The following SLC35D1 variants were observed in gnomAD, a reference collection of about 807,000 sequenced individuals.
The protein encoded by SLC35D1 is nucleotide sugar transporter SLC35D1.
A neutral mutation model predicts 46.7 loss-of-function variants in SLC35D1; 31 were observed. That is an observed-to-expected ratio of 0.66 (90% CI 0.50 to 0.90). SLC35D1 has a LOEUF of 0.90. SLC35D1 is among the 40% of genes least tolerant of loss of function. The pLI is 0.00. For synonymous variants in SLC35D1, 195 were observed against 164.6 expected, an observed-to-expected ratio of 1.18 and a Z score of -1.41; for missense variants, 397 against 426.2, an observed-to-expected ratio of 0.93 and a Z score of 0.60.
At position 67,052,194 on chromosome 1, in the gene SLC35D1, A is replaced by C. The variant is rs577188244; in HGVS notation, c.325-115T>G. On this transcript the variant is annotated intron_variant, in intron 3 of 11. Transcript: ENST00000235345. The stretch of plus-strand genomic sequence containing the variant: ...TCAAAATTTTTTCCACTTAAAACGT[A>C]AAATTAGTTATCATACACAATTTTG... The C allele has an allele frequency of 2.5e-5, 19 of 750,822 alleles. No homozygotes were observed. The African/African-American group carries it at 3.3e-4, about 13-fold the overall frequency. The allele number at this position is 750,822 out of a possible 1,614,324, so 46.5% of individuals were successfully genotyped here.
downstream of SLC35D1, among the ~76,000 whole-genome samples, chr1:66,994,601 G>A (rs57585878): frequency 0.075 from 11,341 of 151,402 alleles, 525 homozygotes; most frequent in African/African-American, 0.13. Context: ...CCGAGATCGC[G>A]CCACTGCACT....
chr1:66,989,584 C>T, the SLC35D1 span, among the ~76,000 whole-genome samples: 13 of 152,316 alleles, frequency 8.5e-5, no homozygotes, highest in African/African-American at 3.1e-4. Flanking sequence ...CCACCTCAGC[C>T]TCCTGAGTGG....
chr1:66,976,455 C>A, the SLC35D1 span: 1 of 589,822 alleles, frequency 1.7e-6, no homozygotes, highest in Non-Finnish European at 2.7e-6. Context: ...TTCAACATAG[C>A]TGCTACACTG....
At chr1:67,009,465 T>A (rs1021929911) in intron 10 of SLC35D1, among the ~76,000 whole-genome samples, 1 of 152,122 alleles carries the variant, frequency 6.6e-6, no homozygotes, top group African/African-American at 2.4e-5. Flanking sequence ...AGGTCTAATA[T>A]CCAGAATTGA....
chr1:67,034,845 C>T (rs545101886), intron 8 of SLC35D1, among the ~76,000 whole-genome samples: 11 of 152,084 alleles, frequency 7.2e-5, no homozygotes, highest in Middle Eastern at 3.4e-3. Context: ...CTTCTATACT[C>T]AGTTTTTTGA....
intron 8 of SLC35D1, among the ~76,000 whole-genome samples, chr1:67,029,541 T>C (rs1667977413): frequency 6.6e-6 from 1 of 152,222 alleles, no homozygotes; most frequent in African/African-American, 2.4e-5. Flanking sequence ...ATGTGTCACA[T>C]GTCATTTCTG....
At chr1:67,010,597 CAAATACTTGGGACCTG>C (rs1667543479) in intron 10 of SLC35D1, among the ~76,000 whole-genome samples, 1 of 152,080 alleles carries the variant, frequency 6.6e-6, no homozygotes, top group Non-Finnish European at 1.5e-5. Flanking sequence ...TATCAGGTCC[CAAATACTTGGGACCTG>C]AAATATTTCA....
intron 10 of SLC35D1, among the ~76,000 whole-genome samples, chr1:67,010,049 CAGG>C (rs1030902992): frequency 6.6e-6 from 1 of 152,174 alleles, no homozygotes; most frequent in Non-Finnish European, 1.5e-5. Flanking sequence ...ACGGATGCAG[CAGG>C]AGGCCATTAT....
chr1:67,021,691 TCCAACACAGACACAGACACAGACA>T lies in SLC35D1; in HGVS notation c.730-113_730-90del, dbSNP rs146592108. 80,547 of 757,086 alleles carry T rather than the reference TCCAACACAGACACAGACACAGACA, an allele frequency of 0.11. 25,321 individuals are homozygous for T. The highest frequency in any genetic ancestry group is 0.13 in the Non-Finnish European group (60,679 of 478,836). The allele number at this position is 757,086 out of a possible 1,614,324, so 46.9% of individuals were successfully genotyped here. A position where few individuals can be genotyped will look rare whatever the true frequency, so the allele number is the denominator to read the frequency against. On this transcript the variant is annotated intron_variant, in intron 8 of 11. Coordinates refer to ENST00000235345, the MANE Select transcript of SLC35D1 (RefSeq NM_015139.3). Reference sequence around the variant, plus strand: ...ATGTAAATCCTTCTACGAGTCTGCCTCCAACACAGACACAGACACAGACACAGACACAGACACACACACACACAC... The same window carrying T: ...ATGTAAATCCTTCTACGAGTCTGCCTCAGACACAGACACACACACACACAC...
chr1:66,999,061 C>T (rs1667279233), downstream of SLC35D1, among the ~76,000 whole-genome samples: 1 of 152,154 alleles, frequency 6.6e-6, no homozygotes, highest in Non-Finnish European at 1.5e-5. Context: ...GCTTCCACCT[C>T]TGCTGAGTCT....
At chr1:67,029,284 C>A (rs1256700618) in intron 8 of SLC35D1, among the ~76,000 whole-genome samples, 1 of 152,126 alleles carries the variant, frequency 6.6e-6, no homozygotes, top group Non-Finnish European at 1.5e-5. Context: ...ATTGCAAATA[C>A]CTTGATGATT....
At position 67,000,078 on chromosome 1, in the gene SLC35D1, T is replaced by G. The variant is rs1225793757; in HGVS notation, c.*4262A>C. 1 of 148,092 alleles carries G rather than the reference T, an allele frequency of 6.8e-6. No individual in the cohort carries two copies. The highest frequency in any genetic ancestry group is 1.5e-5 in the Non-Finnish European group (1 of 67,336). The allele number at this position is 148,092 out of a possible 1,614,324, so 9.2% of individuals were successfully genotyped here. On this transcript the variant is annotated 3_prime_UTR_variant, in exon 12 of 12. Coordinates refer to ENST00000235345, the MANE Select transcript of SLC35D1 (RefSeq NM_015139.3). ...TGAGGCCAGGAGTTTGAGACCAGTC[T>G]GGCAACAGAGTGAGACCCTGTCTTT...
At chr1:67,018,630 T>C (rs1166415223) in intron 10 of SLC35D1, among the ~76,000 whole-genome samples, 2 of 152,204 alleles carry the variant, frequency 1.3e-5, no homozygotes, top group African/African-American at 4.8e-5. Context: ...TGAGTCTATC[T>C]GGGTAGGCCT....
the SLC35D1 span, among the ~76,000 whole-genome samples, chr1:66,975,637 G>A: frequency 1.3e-5 from 2 of 151,938 alleles, no homozygotes; most frequent in African/African-American, 4.8e-5. Flanking sequence ...CAGTTCTCCC[G>A]GCTAAGTAAC....
chr1:67,005,435 G>A (rs556281848), intron 11 of SLC35D1, among the ~76,000 whole-genome samples: 5 of 152,254 alleles, frequency 3.3e-5, no homozygotes, highest in Admixed American at 2.0e-4. Flanking sequence ...TCAGGCACTG[G>A]CGCTTGTTCT....
the SLC35D1 span, chr1:66,987,907 G>A: frequency 6.7e-6 from 1 of 150,232 alleles, no homozygotes; most frequent in Admixed American, 6.6e-5. Context: ...TCAGTCCCTA[G>A]ACCTCCATTC....
At position 67,022,012 on chromosome 1, in the gene SLC35D1, CAT is replaced by C. The variant is rs144335222; in HGVS notation, c.730-412_730-411del. ...CTAAAGGCTTTCTCAAACATTAAAA[CAT>C]GTTTCCTTTCTGTAACATGTGAAAG... On this transcript the variant is annotated intron_variant, in intron 8 of 11. Coordinates refer to ENST00000235345, the MANE Select transcript of SLC35D1 (RefSeq NM_015139.3). Among the ~76,000 whole-genome samples the C allele has an allele frequency of 4.4e-3, 674 of 152,280 alleles. 3 individuals are homozygous for C. Among genetic ancestry groups the C allele is most frequent in the African/African-American group, 0.015 (642 of 41,562 alleles).
chr1:67,010,718 G>A (rs1306977151), intron 10 of SLC35D1, among the ~76,000 whole-genome samples: 2 of 152,062 alleles, frequency 1.3e-5, no homozygotes, highest in South Asian at 2.1e-4. Context: ...TATCATGTTG[G>A]CATTCAAAGA....
chr1:66,976,800 T>G, the SLC35D1 span: 22 of 1,253,732 alleles, frequency 1.8e-5, no homozygotes, highest in South Asian at 4.0e-4. Flanking sequence ...TTAATTATTA[T>G]TTTGATAATC....
Sources: gnomAD v4.1 joint callset for allele counts (sites outside exome capture counted in the v4.1 genomes callset) on GRCh38, gnomAD v4.1.1 for gene constraint, MANE v1.5 for transcripts, NCBI Gene and HGNC (gene_info 2026-07-23, HGNC 2026-07-21) for gene names.